Variants in WDR43 observed in about 807,000 individuals in gnomAD.
The protein encoded by WDR43 is WD repeat domain 43.
In WDR43, 13 loss-of-function variants were observed where a neutral mutation model predicts 91.4. The observed-to-expected ratio is 0.14, with a 90% CI of 0.09 to 0.23. The LOEUF (loss-of-function observed/expected upper bound fraction) is 0.23, where lower values mean the gene tolerates loss of function less well. WDR43 is among the 10% of genes least tolerant of loss of function. The probability of loss-of-function intolerance (pLI) is 1.00; values close to 1 mark genes in which losing one functional copy is unlikely to be tolerated. For synonymous variants in WDR43, 331 were observed against 287.9 expected (o/e 1.15, Z -1.51); for missense variants, 780 against 809.4 (o/e 0.96, Z 0.44).
In WDR43 at chr2:28,907,890, C is replaced by T. The variant is rs536242616; in HGVS notation, c.485+1309C>T. Among the ~76,000 whole-genome samples, 13 of 124,490 alleles carry T rather than the reference C, an allele frequency of 1.0e-4. No individual in the cohort carries two copies. In the South Asian group the frequency reaches 3.9e-3, roughly 37 times the overall value. The allele number at this position is 124,490 out of a possible 152,430, so 81.7% of individuals were successfully genotyped here. On this transcript the variant is annotated intron_variant, in intron 3 of 17. Transcript: ENST00000407426. The stretch of plus-strand genomic sequence containing the variant: ...CTGCACTCCAGCCTGGGCGACAGAG[C>T]GAGACTCCGTCTCAAAAAAAAAAAG...
intron 11 of WDR43, among the ~76,000 whole-genome samples, chr2:28,930,415 T>G (rs992938822): frequency 2.0e-5 from 3 of 152,264 alleles, no homozygotes; most frequent in African/African-American, 7.2e-5. Flanking sequence ...GCATTTATTC[T>G]TAATGACTCA....
At chr2:28,944,511 T>G (rs955328216) in intron 16 of WDR43, among the ~76,000 whole-genome samples, 1 of 152,236 alleles carries the variant, frequency 6.6e-6, no homozygotes, top group African/African-American at 2.4e-5. Flanking sequence ...TATAAGTATG[T>G]TCATTGCAGC....
chr2:28,907,061 G>A (rs1670694738), intron 3 of WDR43, among the ~76,000 whole-genome samples: 1 of 152,158 alleles, frequency 6.6e-6, no homozygotes, highest in African/African-American at 2.4e-5. Flanking sequence ...CAGATGATAT[G>A]GGTCAAAGGA....
At chr2:28,899,425 A>T (rs1333192925) in intron 1 of WDR43, among the ~76,000 whole-genome samples, 1 of 152,228 alleles carries the variant, frequency 6.6e-6, no homozygotes, top group Non-Finnish European at 1.5e-5. Context: ...TGAGGTGAGT[A>T]GGAAAGGTCC....
chr2:28,935,037 G>A (rs1016644061), intron 11 of WDR43, among the ~76,000 whole-genome samples: 4 of 152,074 alleles, frequency 2.6e-5, no homozygotes, highest in African/African-American at 7.2e-5. Flanking sequence ...ATAGATGTAC[G>A]CTTAAAGGGT....
intron 14 of WDR43, among the ~76,000 whole-genome samples, chr2:28,941,188 A>G (rs935569674): frequency 1.3e-5 from 2 of 152,220 alleles, no homozygotes; most frequent in South Asian, 4.1e-4. Context: ...TAGTTTGATC[A>G]ATACAGAAAA....
intron 6 of WDR43, among the ~76,000 whole-genome samples, chr2:28,921,191 A>G (rs556676808): frequency 1.7e-4 from 26 of 149,942 alleles, no homozygotes; most frequent in African/African-American, 6.4e-4. Flanking sequence ...GCAGTGGCAC[A>G]ATCTCAGCTC....
intron 7 of WDR43, 96 bp downstream of exon 7, chr2:28,923,079 A>C (rs1671067268): frequency 2.0e-6 from 2 of 1,001,530 alleles, no homozygotes. Context: ...TCATATTACT[A>C]TTCAGCCAGA....
chr2:28,904,833 T>C (rs1670647998), intron 2 of WDR43, among the ~76,000 whole-genome samples: 1 of 152,258 alleles, frequency 6.6e-6, no homozygotes, highest in Non-Finnish European at 1.5e-5. Context: ...GAGTAATCAC[T>C]TTTATTCTTA....
At chr2:28,900,052 G>A (rs949253582) in intron 1 of WDR43, among the ~76,000 whole-genome samples, 2 of 152,080 alleles carry the variant, frequency 1.3e-5, no homozygotes, top group Non-Finnish European at 1.5e-5. Flanking sequence ...ATTTCTTTGT[G>A]CTTTTTAATG....
At chr2:28,911,304 T>C (rs988373587) in intron 3 of WDR43, among the ~76,000 whole-genome samples, 8 of 151,952 alleles carry the variant, frequency 5.3e-5, no homozygotes, top group Admixed American at 3.3e-4. Context: ...ACCTCTTTTT[T>C]TTTTTTTGAG....
At chr2:28,927,791 A>G (rs1671170621) in intron 10 of WDR43, 91 bp downstream of exon 10, 1 of 1,509,316 alleles carries the variant, frequency 6.6e-7, no homozygotes, top group African/African-American at 1.4e-5. Context: ...CCAAAGTTAA[A>G]TCTTTAGAAA....
chr2:28,947,635 T>C lies in WDR43; in HGVS notation c.*856T>C, dbSNP rs887110587. 1.3e-5 allele frequency: 2 copies of C among 152,038 alleles called. No homozygotes were observed. Among genetic ancestry groups the C allele is most frequent in the Non-Finnish European group, 2.9e-5 (2 of 68,010 alleles). The allele number at this position is 152,038 out of a possible 1,614,324, so 9.4% of individuals were successfully genotyped here. On this transcript the variant is annotated 3_prime_UTR_variant, in exon 18 of 18. Coordinates refer to ENST00000407426, the MANE Select transcript of WDR43 (RefSeq NM_015131.3). The stretch of plus-strand genomic sequence containing the variant: ...TAATGGATCAAAGAACAATTGTTTA[T>C]TTTTTCTCTTTGGTTTTAGATATTA...
At chr2:28,917,737 C>G (rs1039466045) in intron 5 of WDR43, among the ~76,000 whole-genome samples, 156 bp from the exon 6 acceptor site, 2 of 152,172 alleles carry the variant, frequency 1.3e-5, no homozygotes, top group African/African-American at 4.8e-5. Context: ...TGGATGCTTC[C>G]GTTGTTTTGA....
chr2:28,895,818 A>G (rs572722016), intron 1 of WDR43: 1 of 152,290 alleles, frequency 6.6e-6, no homozygotes, highest in South Asian at 2.1e-4. Context: ...GAGTAGCCAA[A>G]CCGAATCACT....
At chr2:28,926,938 G>T (rs1454774131) in intron 9 of WDR43, 2 of 396,970 alleles carry the variant, frequency 5.0e-6, no homozygotes, top group Admixed American at 5.8e-5. Flanking sequence ...TAATAAAACC[G>T]TCATGGGGCT....
intron 6 of WDR43, among the ~76,000 whole-genome samples, chr2:28,922,675 T>G (rs1422991790): frequency 6.6e-6 from 1 of 152,204 alleles, no homozygotes; most frequent in Non-Finnish European, 1.5e-5. Flanking sequence ...TCATCTAACT[T>G]GGAGGGCTCA....
chr2:28,918,288 C>A (rs1444676973), intron 6 of WDR43, among the ~76,000 whole-genome samples: 1 of 151,998 alleles, frequency 6.6e-6, no homozygotes, highest in Non-Finnish European at 1.5e-5. Context: ...ATTCTTTAAT[C>A]AGATGAAATT....
At chr2:28,944,054 CTT>C (rs1204548370) in intron 16 of WDR43, among the ~76,000 whole-genome samples, 2 of 152,216 alleles carry the variant, frequency 1.3e-5, no homozygotes, top group Non-Finnish European at 1.5e-5. Flanking sequence ...GCCCAGAACT[CTT>C]TGAGCGGCTC....
Sources: allele counts gnomAD v4.1 joint callset (sites outside exome capture counted in the v4.1 genomes callset), GRCh38; gene constraint gnomAD v4.1.1; transcripts MANE v1.5; gene names NCBI Gene and HGNC (gene_info 2026-07-23, HGNC 2026-07-21).